TENM2: variants seen among roughly 807,000 people sequenced by gnomAD.
TENM2 encodes teneurin transmembrane protein 2.
Under a neutral mutation model 245.2 loss-of-function variants are expected in TENM2, and 52 were observed. The observed-to-expected ratio is 0.21, with a 90% CI of 0.17 to 0.27. TENM2 has a LOEUF of 0.27. Ranked by LOEUF, TENM2 falls within the 10% of genes least tolerant of loss-of-function variation. The pLI is 1.00. For missense variants in TENM2, 3,046 were observed against 3,666.8 expected (o/e 0.83, Z 4.37); for synonymous variants, 1,363 against 1,438.9 (o/e 0.95, Z 1.19).
At chr5:168,010,087 A>G (rs979103509) in intron 5 of TENM2, among the ~76,000 whole-genome samples, 3 of 152,238 alleles carry the variant, frequency 2.0e-5, no homozygotes, top group East Asian at 1.9e-4. Context: ...GGAATGTCAC[A>G]TCTTACGGAA....
the TENM2 span, among the ~76,000 whole-genome samples, chr5:167,183,595 T>C: frequency 6.6e-6 from 1 of 152,190 alleles, no homozygotes; most frequent in Non-Finnish European, 1.5e-5. Flanking sequence ...ACCCAGCTGT[T>C]TGAGTTTCAA....
intron 2 of TENM2, among the ~76,000 whole-genome samples, chr5:167,626,775 T>C (rs1778533108): frequency 6.6e-6 from 1 of 152,168 alleles, no homozygotes; most frequent in South Asian, 2.1e-4. Flanking sequence ...TTATTTTGCT[T>C]TCAGAAAAGG....
intron 2 of TENM2, among the ~76,000 whole-genome samples, chr5:167,593,244 G>A (rs915395534): frequency 6.6e-6 from 1 of 152,172 alleles, no homozygotes; most frequent in Non-Finnish European, 1.5e-5. Flanking sequence ...TTACAAAAAA[G>A]ATGACTTTGA....
chr5:168,255,565 C>CA (rs201082477), intron 27 of TENM2, among the ~76,000 whole-genome samples: 11,415 of 152,040 alleles, frequency 0.075, 449 homozygotes, highest in South Asian at 0.15. Flanking sequence ...CTCAGCCTCC[C>CA]AAGTGCTGGG....
At chr5:167,317,185 A>T (rs1349599419) in intron 1 of TENM2, among the ~76,000 whole-genome samples, 1 of 152,164 alleles carries the variant, frequency 6.6e-6, no homozygotes, top group Admixed American at 6.5e-5. Context: ...GCAGTCAATA[A>T]TGCAACTAGA....
the TENM2 span, among the ~76,000 whole-genome samples, chr5:167,060,214 G>T: frequency 6.6e-6 from 1 of 152,016 alleles, no homozygotes; most frequent in Admixed American, 6.6e-5. Context: ...GGTACGATTA[G>T]AATTCCTTTA....
chr5:167,581,425 CAAT>C (rs928591880), intron 2 of TENM2, among the ~76,000 whole-genome samples: 8 of 152,062 alleles, frequency 5.3e-5, no homozygotes, highest in African/African-American at 1.9e-4. Flanking sequence ...GTATAATGAA[CAAT>C]AGTTTTCAAC....
At chr5:167,761,327 A>G (rs1582938804) in intron 2 of TENM2, among the ~76,000 whole-genome samples, 1 of 152,060 alleles carries the variant, frequency 6.6e-6, no homozygotes, top group East Asian at 1.9e-4. Flanking sequence ...AGGGCAGGAA[A>G]CGTGTTTGTG....
intron 2 of TENM2, among the ~76,000 whole-genome samples, chr5:167,397,762 A>G (rs1281567811): frequency 1.3e-5 from 2 of 152,192 alleles, no homozygotes; most frequent in East Asian, 1.9e-4. Flanking sequence ...CAGAATAGCA[A>G]CTTGATCTCA....
intron 1 of TENM2, among the ~76,000 whole-genome samples, chr5:167,310,545 G>A (rs987871440): frequency 6.6e-6 from 1 of 152,142 alleles, no homozygotes; most frequent in Non-Finnish European, 1.5e-5. Flanking sequence ...ATAAATACAT[G>A]AATTTGCCTT....
intron 2 of TENM2, among the ~76,000 whole-genome samples, chr5:167,594,211 G>A (rs17417450): frequency 0.017 from 2,546 of 152,266 alleles, 35 homozygotes; most frequent in Middle Eastern, 0.048. Context: ...AAGATCATAT[G>A]ATACAATGCC....
chr5:167,364,090 G>A (rs190079194), intron 1 of TENM2, among the ~76,000 whole-genome samples: 59 of 148,668 alleles, frequency 4.0e-4, no homozygotes, highest in African/African-American at 1.4e-3. Context: ...GAGAGAAAAA[G>A]GGTAGCGTAA....
chr5:167,392,552 A>G (rs1263207683), intron 2 of TENM2, among the ~76,000 whole-genome samples: 13 of 152,164 alleles, frequency 8.5e-5, no homozygotes, highest in Admixed American at 4.6e-4. Flanking sequence ...GACCAAATCT[A>G]TACCATAACC....
chr5:167,555,066 G>A lies in TENM2; in HGVS notation c.502+179593G>A, dbSNP rs566931664. ...TGAAGTAAACACTTTCCTTTCTGCCGCAGCACACAGTCATGCGCGTGCACG... is the reference window on the plus strand; with the variant it reads ...TGAAGTAAACACTTTCCTTTCTGCCACAGCACACAGTCATGCGCGTGCACG... On this transcript the variant is annotated intron_variant, in intron 2 of 28. Coordinates refer to ENST00000518659, the Ensembl canonical transcript of TENM2. Among the ~76,000 whole-genome samples the A allele has an allele frequency of 1.1e-4, 17 of 152,146 alleles. No individual in the cohort carries two copies. In the South Asian group the frequency reaches 2.1e-3, roughly 19 times the overall value.
At chr5:167,053,020 T>C in the TENM2 span, among the ~76,000 whole-genome samples, 2 of 152,160 alleles carry the variant, frequency 1.3e-5, no homozygotes, top group Non-Finnish European at 2.9e-5. Flanking sequence ...ATATGTGACA[T>C]CCCAGCTAAA....
chr5:167,159,224 T>A, the TENM2 span, among the ~76,000 whole-genome samples: 3 of 152,038 alleles, frequency 2.0e-5, no homozygotes, highest in African/African-American at 7.2e-5. Flanking sequence ...ATTACAGGCG[T>A]GAGCCACTGT....
chr5:167,684,732 A>G (rs953929758), intron 2 of TENM2, among the ~76,000 whole-genome samples: 1 of 152,206 alleles, frequency 6.6e-6, no homozygotes, highest in Non-Finnish European at 1.5e-5. Flanking sequence ...TTGTAATGTT[A>G]TAACTGTCCT....
intron 1 of TENM2, among the ~76,000 whole-genome samples, chr5:167,318,314 T>C (rs1756494224): frequency 6.6e-6 from 1 of 152,156 alleles, no homozygotes; most frequent in Admixed American, 6.5e-5. Flanking sequence ...GTCTTTTAAA[T>C]ATGATTCATG....
At chr5:168,114,841 A>AT (rs1794935557) in intron 9 of TENM2, among the ~76,000 whole-genome samples, 1 of 152,156 alleles carries the variant, frequency 6.6e-6, no homozygotes, top group African/African-American at 2.4e-5. Context: ...TCTGTGACCT[A>AT]TTTTTTATAT....
Sources: gnomAD v4.1 joint callset for allele counts (sites outside exome capture counted in the v4.1 genomes callset) on GRCh38, gnomAD v4.1.1 for gene constraint, MANE v1.5 for transcripts, NCBI Gene and HGNC (gene_info 2026-07-23, HGNC 2026-07-21) for gene names.